The following TMEM178B variants were observed in gnomAD, a reference collection of about 807,000 sequenced individuals.
TMEM178B encodes transmembrane protein 178B.
Under a neutral mutation model 31.0 loss-of-function variants are expected in TMEM178B, and 5 were observed. The ratio of observed to expected loss-of-function variants is 0.16; its 90% CI spans 0.08 to 0.34. The LOEUF (loss-of-function observed/expected upper bound fraction) is 0.34. Among genes scored for constraint, TMEM178B ranks in the 10% least tolerant of loss-of-function variants. TMEM178B has a pLI of 1.00. For synonymous variants in TMEM178B, 164 were observed against 164.0 expected, an observed-to-expected ratio of 1.00 and a Z score of 0.00; for missense variants, 275 against 400.3, an observed-to-expected ratio of 0.69 and a Z score of 2.67.
chr7:141,087,791 A>G (rs1248637452), intron 1 of TMEM178B, among the ~76,000 whole-genome samples: 1 of 152,360 alleles, frequency 6.6e-6, no homozygotes, highest in East Asian at 1.9e-4. Context: ...TTATGTTAAG[A>G]TCATGTGTTT....
At chr7:141,146,548 C>A (rs1795855258) in intron 1 of TMEM178B, among the ~76,000 whole-genome samples, 1 of 152,144 alleles carries the variant, frequency 6.6e-6, no homozygotes, top group Non-Finnish European at 1.5e-5. Context: ...TAGTATCTAT[C>A]ATGAGATTAC....
At chr7:141,432,132 C>T in intron 2 of TMEM178B, among the ~76,000 whole-genome samples, 1 of 137,716 alleles carries the variant, frequency 7.3e-6, no homozygotes. Flanking sequence ...TTCTTTTTCT[C>T]TCCTTCACTG....
rs577411109 is a variant in TMEM178B at position 141,239,236 on chromosome 7, T to C, written c.496+26532T>C. Among the ~76,000 whole-genome samples the C allele has an allele frequency of 5.4e-4, 82 of 152,246 alleles. 1 individual carries two copies. Among genetic ancestry groups the C allele is most frequent in the African/African-American group, 1.9e-3 (80 of 41,542 alleles). ...CACATCTGGGGATATCTTAGGTGGG[T>C]TCATCCAGAAGCAGACCTTGAAATG... On this transcript the variant is annotated intron_variant, in intron 2 of 3. Transcript: ENST00000565468.
chr7:141,301,305 G>A (rs1420911491), intron 2 of TMEM178B, among the ~76,000 whole-genome samples: 2 of 152,118 alleles, frequency 1.3e-5, no homozygotes. Context: ...TCTCTTCTTT[G>A]TTATACTTTA....
chr7:141,182,637 C>G (rs932730358), intron 1 of TMEM178B, among the ~76,000 whole-genome samples: 6 of 151,998 alleles, frequency 3.9e-5, no homozygotes, highest in African/African-American at 1.4e-4. Context: ...TTGGCTGTGT[C>G]CCCACCCAAA....
intron 1 of TMEM178B, among the ~76,000 whole-genome samples, chr7:141,169,230 G>A (rs887273077): frequency 6.6e-6 from 1 of 152,130 alleles, no homozygotes; most frequent in Non-Finnish European, 1.5e-5. Flanking sequence ...CCAGTGTGTT[G>A]TTCACCTCTA....
At chr7:141,082,185 C>T (rs1425780197) in intron 1 of TMEM178B, among the ~76,000 whole-genome samples, 1 of 152,124 alleles carries the variant, frequency 6.6e-6, no homozygotes, top group Non-Finnish European at 1.5e-5. Flanking sequence ...AGAACATATC[C>T]CTGTTGTTCA....
rs145836225 is a variant in TMEM178B, at chr7:141,235,878, G to A, written c.496+23174G>A. Among the ~76,000 whole-genome samples the A allele has an allele frequency of 2.1e-3, 325 of 152,288 alleles. 1 individual carries two copies. Among genetic ancestry groups the A allele is most frequent in the African/African-American group, 6.3e-3 (263 of 41,560 alleles). The stretch of plus-strand genomic sequence containing the variant: ...GAATCTTACAATCTCCCCTAGACAC[G>A]CAGTGCTTTCCTGCTGGCTTTCAGG... On this transcript the variant is annotated intron_variant, in intron 2 of 3. Transcript: ENST00000565468.
intron 3 of TMEM178B, among the ~76,000 whole-genome samples, chr7:141,447,456 A>G (rs559945453): frequency 2.0e-5 from 3 of 152,166 alleles, no homozygotes; most frequent in Admixed American, 1.3e-4. Flanking sequence ...TGGGAGCAGA[A>G]TGAGACAGAG....
At chr7:141,445,705 T>A (rs935949895) in intron 3 of TMEM178B, among the ~76,000 whole-genome samples, 3 of 152,198 alleles carry the variant, frequency 2.0e-5, no homozygotes, top group Non-Finnish European at 4.4e-5. Flanking sequence ...AAACCCTTGA[T>A]AAATGGTGCT....
At chr7:141,239,652 G>A (rs1447388325) in intron 2 of TMEM178B, among the ~76,000 whole-genome samples, 1 of 152,152 alleles carries the variant, frequency 6.6e-6, no homozygotes, top group Non-Finnish European at 1.5e-5. Flanking sequence ...CCCACCACAG[G>A]GGGTGATGAG....
At chr7:141,406,322 T>G (rs1800883482) in intron 2 of TMEM178B, among the ~76,000 whole-genome samples, 1 of 152,174 alleles carries the variant, frequency 6.6e-6, no homozygotes, top group Admixed American at 6.5e-5. Flanking sequence ...AGTTCCTGCC[T>G]CTTTCCATTG....
intron 1 of TMEM178B, among the ~76,000 whole-genome samples, chr7:141,166,634 C>A (rs1371396956): frequency 6.6e-6 from 1 of 152,224 alleles, no homozygotes; most frequent in Non-Finnish European, 1.5e-5. Context: ...AGGAGACCCA[C>A]AGGAACGTCC....
intron 1 of TMEM178B, among the ~76,000 whole-genome samples, chr7:141,205,509 G>A (rs534240202): frequency 5.8e-4 from 89 of 152,298 alleles, no homozygotes; most frequent in African/African-American, 2.0e-3. Flanking sequence ...GGCATCCTCT[G>A]TAGCTGAGGG....
chr7:141,086,711 A>T (rs1370411321), intron 1 of TMEM178B, among the ~76,000 whole-genome samples: 1 of 152,028 alleles, frequency 6.6e-6, no homozygotes, highest in African/African-American at 2.4e-5. Flanking sequence ...TTATTTATTT[A>T]TTTTTTGAGA....
chr7:141,230,892 G>A (rs1431389162), intron 2 of TMEM178B, among the ~76,000 whole-genome samples: 2 of 152,170 alleles, frequency 1.3e-5, no homozygotes, highest in African/African-American at 4.8e-5. Context: ...GCAGGTCACA[G>A]GGTCTCTCTG....
chr7:141,275,419 T>C (rs1455422625), intron 2 of TMEM178B, among the ~76,000 whole-genome samples: 1 of 152,186 alleles, frequency 6.6e-6, no homozygotes, highest in African/African-American at 2.4e-5. Flanking sequence ...TTGAAAACTG[T>C]GTAGTTTGCC....
rs1391554979 is a variant in TMEM178B at position 141,471,286 on chromosome 7, C to T, written c.*500C>T. 4 of 152,192 alleles carry T rather than the reference C, an allele frequency of 2.6e-5. No individual in the cohort carries two copies. Among genetic ancestry groups the T allele is most frequent in the Non-Finnish European group, 5.9e-5 (4 of 68,046 alleles). The allele number at this position is 152,192 out of a possible 1,614,324, so 9.4% of individuals were successfully genotyped here. A position where few individuals can be genotyped will look rare whatever the true frequency, so the allele number is the denominator to read the frequency against. Reference sequence around the variant, plus strand: ...TTCCTGTTCGGACTTCCTTCCCAGCCCACCAGCAACACACAAGGAGTGGAA... The same window carrying T: ...TTCCTGTTCGGACTTCCTTCCCAGCTCACCAGCAACACACAAGGAGTGGAA... On this transcript the variant is annotated 3_prime_UTR_variant, in exon 4 of 4. Transcript: ENST00000565468. The surrounding 1 kb of genome is among the most constrained non-coding windows in gnomAD (Gnocchi z 4.1).
chr7:141,091,856 T>C (rs1259351004), intron 1 of TMEM178B, among the ~76,000 whole-genome samples: 2 of 152,120 alleles, frequency 1.3e-5, no homozygotes, highest in Non-Finnish European at 2.9e-5. Context: ...ACCTCCTGAG[T>C]AGCTGAGACT....
Sources: allele counts gnomAD v4.1 joint callset (sites outside exome capture counted in the v4.1 genomes callset), GRCh38; gene constraint gnomAD v4.1.1; non-coding constraint Gnocchi (gnomAD v3.1); transcripts MANE v1.5; gene names NCBI Gene and HGNC (gene_info 2026-07-23, HGNC 2026-07-21).